Variants in UBE3D observed in about 807,000 individuals in gnomAD.
UBE3D encodes the protein E3 ubiquitin-protein ligase E3D.
Under a neutral mutation model 49.6 loss-of-function variants are expected in UBE3D, and 48 were observed. The observed-to-expected ratio is 0.97, with a 90% CI of 0.77 to 1.23. The LOEUF is 1.23. Ranked by LOEUF, UBE3D falls within the 50% of genes most tolerant of loss-of-function variation. UBE3D has a pLI of 0.00. For missense variants in UBE3D, 452 were observed against 468.4 expected, an observed-to-expected ratio of 0.96 and a Z score of 0.32; for synonymous variants, 189 against 174.2, an observed-to-expected ratio of 1.08 and a Z score of -0.67.
chr6:83,030,083 A>T (rs1781760212), intron 5 of UBE3D, among the ~76,000 whole-genome samples: 1 of 152,164 alleles, frequency 6.6e-6, no homozygotes, highest in Non-Finnish European at 1.5e-5. Flanking sequence ...TTTTGTGTGT[A>T]TGCAGAGTTT....
At chr6:82,946,079 G>A (rs1220845787) in intron 9 of UBE3D, among the ~76,000 whole-genome samples, 2 of 152,134 alleles carry the variant, frequency 1.3e-5, no homozygotes, top group South Asian at 2.1e-4. Context: ...AAGAGATAAG[G>A]GAAGTAAGTA....
intron 1 of UBE3D, among the ~76,000 whole-genome samples, chr6:83,059,216 T>C (rs1285547118): frequency 1.3e-5 from 2 of 151,828 alleles, no homozygotes; most frequent in Non-Finnish European, 2.9e-5. Flanking sequence ...GCTCTGGCTC[T>C]ACAAAAAAAT....
At chr6:82,893,182 T>A (rs1210291341) in intron 9 of UBE3D, 140 bp from the exon 10 acceptor site, 1 of 922,158 alleles carries the variant, frequency 1.1e-6, no homozygotes, top group East Asian at 2.6e-5. Context: ...TCTTAGTGGA[T>A]CTAGACATTT....
intron 9 of UBE3D, 77 bp from the exon 10 acceptor site, chr6:82,893,119 T>C (rs1582257677): frequency 6.5e-7 from 1 of 1,536,936 alleles, no homozygotes; most frequent in East Asian, 2.3e-5. Flanking sequence ...CAAATCAGAA[T>C]CAGGTTAAGT....
chr6:82,952,769 A>G (rs73749481), intron 9 of UBE3D, among the ~76,000 whole-genome samples: 5,404 of 152,258 alleles, frequency 0.035, 155 homozygotes, highest in East Asian at 0.11. Flanking sequence ...AAGAGAAGTC[A>G]ACATAGTCTC....
intron 8 of UBE3D, among the ~76,000 whole-genome samples, chr6:82,958,604 G>C (rs1776331788): frequency 6.6e-6 from 1 of 152,100 alleles, no homozygotes; most frequent in South Asian, 2.1e-4. Context: ...TTCTGATGTG[G>C]GGTGATGGAG....
chr6:82,998,915 T>C (rs1313542048), intron 8 of UBE3D, among the ~76,000 whole-genome samples: 1 of 152,168 alleles, frequency 6.6e-6, no homozygotes, highest in Non-Finnish European at 1.5e-5. Flanking sequence ...AGCTGGAAAA[T>C]GTCACAGCAT....
intron 9 of UBE3D, among the ~76,000 whole-genome samples, chr6:82,910,120 G>A (rs1216234016): frequency 6.6e-6 from 1 of 152,146 alleles, no homozygotes; most frequent in Non-Finnish European, 1.5e-5. Context: ...CTTTGCCTGT[G>A]ACACAGTCCA....
At chr6:83,055,994 G>C (rs1267147894) in intron 2 of UBE3D, among the ~76,000 whole-genome samples, 1 of 152,078 alleles carries the variant, frequency 6.6e-6, no homozygotes, top group Admixed American at 6.6e-5. Context: ...ATGCACTATG[G>C]AACAGGACTT....
intron 8 of UBE3D, among the ~76,000 whole-genome samples, chr6:82,997,441 C>T (rs1031131878): frequency 5.9e-5 from 9 of 152,092 alleles, no homozygotes; most frequent in Admixed American, 1.3e-4. Flanking sequence ...AAAACGTGCC[C>T]GGGTGCAGTG....
rs996649425 is a variant in UBE3D at position 83,065,787 on chromosome 6, G to A, written c.-69C>T. 1.3e-6 allele frequency: 2 copies of A among 1,485,086 alleles called. No individual in the cohort carries two copies. The highest frequency in any genetic ancestry group is 2.0e-5 in the Admixed American group (1 of 50,894). The allele number at this position is 1,485,086 out of a possible 1,614,324, so 92.0% of individuals were successfully genotyped here. A position where few individuals can be genotyped will look rare whatever the true frequency, so the allele number is the denominator to read the frequency against. On this transcript the variant is annotated 5_prime_UTR_variant, in exon 1 of 10. Coordinates refer to ENST00000369747, the MANE Select transcript of UBE3D (RefSeq NM_198920.3). ...GGGGCCCGGGTCAACAGGACCAGGA[G>A]AGGTTCCACGTGCGGACCAACCAGC...
rs529989501 is a variant in UBE3D, at chr6:83,005,395, C to T, written c.1010+13578G>A. 6.6e-5 allele frequency among the ~76,000 whole-genome samples: 10 copies of T among 151,846 alleles called. No homozygotes were observed. In the South Asian group the frequency reaches 2.1e-3, roughly 32 times the overall value. On this transcript the variant is annotated intron_variant, in intron 8 of 9. Coordinates refer to ENST00000369747, the MANE Select transcript of UBE3D (RefSeq NM_198920.3). ...GTACTTTTGATAGGATTGTAAAATGCTGCAACTGCTATAAAAGACGGTATG... is the reference window on the plus strand; with the variant it reads ...GTACTTTTGATAGGATTGTAAAATGTTGCAACTGCTATAAAAGACGGTATG...
chr6:82,950,966 T>C (rs1157400361), intron 9 of UBE3D, among the ~76,000 whole-genome samples: 1 of 149,758 alleles, frequency 6.7e-6, no homozygotes, highest in Non-Finnish European at 1.5e-5. Flanking sequence ...GGAAGAGTAG[T>C]GGAGGGATGA....
chr6:82,890,790 G>A (rs1418641734), downstream of UBE3D, among the ~76,000 whole-genome samples: 1 of 152,170 alleles, frequency 6.6e-6, no homozygotes, highest in Admixed American at 6.5e-5. Flanking sequence ...TATTCTTCTA[G>A]TTGGGTTTTT....
chr6:83,013,849 A>G (rs774760135), intron 8 of UBE3D, among the ~76,000 whole-genome samples: 1 of 152,246 alleles, frequency 6.6e-6, no homozygotes, highest in Non-Finnish European at 1.5e-5. Flanking sequence ...TTCAATCAGC[A>G]TAATGTCCTC....
chr6:83,039,595 T>C (rs1782504721), intron 4 of UBE3D, among the ~76,000 whole-genome samples: 1 of 152,132 alleles, frequency 6.6e-6, no homozygotes, highest in African/African-American at 2.4e-5. Flanking sequence ...GGGAACCAAT[T>C]CATGGAACCA....
At chr6:83,065,259 G>C (rs779417562) in intron 1 of UBE3D, among the ~76,000 whole-genome samples, 3 of 152,202 alleles carry the variant, frequency 2.0e-5, no homozygotes, top group Admixed American at 2.0e-4. Context: ...ATCCCGAAGA[G>C]AGACAGACAA....
chr6:83,039,708 G>C (rs1262303123), intron 4 of UBE3D, among the ~76,000 whole-genome samples: 1 of 151,940 alleles, frequency 6.6e-6, no homozygotes, highest in East Asian at 1.9e-4. Flanking sequence ...GCAGTGGCGC[G>C]ACCTTGGCTC....
At chr6:82,996,484 A>C (rs143506095) in intron 8 of UBE3D, among the ~76,000 whole-genome samples, 1,825 of 152,312 alleles carry the variant, frequency 0.012, 17 homozygotes, top group Admixed American at 0.018. Context: ...TAAAATCTAC[A>C]GACAATACCT....
Sources: allele counts gnomAD v4.1 joint callset (sites outside exome capture counted in the v4.1 genomes callset), GRCh38; gene constraint gnomAD v4.1.1; transcripts MANE v1.5; gene names NCBI Gene and HGNC (gene_info 2026-07-23, HGNC 2026-07-21).